Variants in KCNH1 observed in about 807,000 individuals in gnomAD.
KCNH1 encodes voltage-gated delayed rectifier potassium channel KCNH1.
Under a neutral mutation model 69.2 loss-of-function variants are expected in KCNH1, and 27 were observed. The ratio of observed to expected loss-of-function variants is 0.39; its 90% CI spans 0.29 to 0.54. The LOEUF is 0.54. Among genes scored for constraint, KCNH1 ranks in the 20% least tolerant of loss-of-function variants. The pLI is 0.68. For synonymous variants in KCNH1, 456 were observed against 487.7 expected (o/e 0.93, Z 0.86); for missense variants, 798 against 1,261.6 (o/e 0.63, Z 5.57).
chr1:210,896,767 G>C (rs1174651609), intron 7 of KCNH1, among the ~76,000 whole-genome samples: 1 of 152,170 alleles, frequency 6.6e-6, no homozygotes, highest in Non-Finnish European at 1.5e-5. Context: ...AAAGAAAAGA[G>C]AGGGAGGAGC....
At chr1:210,806,881 C>T (rs536129630) in intron 7 of KCNH1, among the ~76,000 whole-genome samples, 5 of 134,246 alleles carry the variant, frequency 3.7e-5, no homozygotes, top group East Asian at 2.4e-4. Flanking sequence ...GTGGTGCACA[C>T]GAGTAGTCCC....
intron 6 of KCNH1, among the ~76,000 whole-genome samples, chr1:211,015,227 G>A (rs1689471725): frequency 6.6e-6 from 1 of 152,160 alleles, no homozygotes; most frequent in Admixed American, 6.5e-5. Context: ...GCCAAGGAGT[G>A]AGCCACACAC....
At chr1:211,130,101 A>G (rs1227136019) in intron 1 of KCNH1, among the ~76,000 whole-genome samples, 1 of 152,254 alleles carries the variant, frequency 6.6e-6, no homozygotes, top group Non-Finnish European at 1.5e-5. Context: ...TTAAGCAACT[A>G]TCAAAAAATA....
intron 5 of KCNH1, among the ~76,000 whole-genome samples, chr1:211,032,247 C>T (rs1689799589): frequency 6.6e-6 from 1 of 152,080 alleles, no homozygotes; most frequent in Non-Finnish European, 1.5e-5. Context: ...AACCACTGCT[C>T]AGTGAAATAA....
At chr1:211,010,128 CAGGGACT>C (rs1241699917) in intron 6 of KCNH1, among the ~76,000 whole-genome samples, 2 of 152,134 alleles carry the variant, frequency 1.3e-5, no homozygotes, top group Non-Finnish European at 1.5e-5. Flanking sequence ...CAGTCACATT[CAGGGACT>C]AGGGCACAGC....
chr1:210,713,645 C>T (rs867689757), intron 10 of KCNH1, among the ~76,000 whole-genome samples: 1 of 152,094 alleles, frequency 6.6e-6, no homozygotes, highest in Non-Finnish European at 1.5e-5. Context: ...ACATCCCATC[C>T]GTCTGCGATT....
intron 2 of KCNH1, among the ~76,000 whole-genome samples, chr1:211,106,327 T>C (rs1691346078): frequency 6.6e-6 from 1 of 152,222 alleles, no homozygotes; most frequent in Non-Finnish European, 1.5e-5. Flanking sequence ...AAAAGAGCTT[T>C]TCTAACACCA....
At chr1:210,991,274 G>C (rs377755521) in intron 6 of KCNH1, among the ~76,000 whole-genome samples, 1 of 152,218 alleles carries the variant, frequency 6.6e-6, no homozygotes, top group Non-Finnish European at 1.5e-5. Context: ...ATTATACAGC[G>C]TTTTTTAAGA....
At chr1:210,912,284 T>C (rs891481385) in intron 7 of KCNH1, among the ~76,000 whole-genome samples, 5 of 152,156 alleles carry the variant, frequency 3.3e-5, no homozygotes, top group African/African-American at 1.2e-4. Flanking sequence ...TCCTGTCCCG[T>C]GAAGATCCTG....
chr1:210,948,145 G>A (rs1687994216), intron 6 of KCNH1, among the ~76,000 whole-genome samples: 1 of 151,310 alleles, frequency 6.6e-6, no homozygotes. Flanking sequence ...TGAAGCCCAG[G>A]AGTTCAAGGC....
intron 6 of KCNH1, among the ~76,000 whole-genome samples, chr1:211,007,377 C>T (rs933020136): frequency 2.0e-5 from 3 of 152,286 alleles, no homozygotes; most frequent in Non-Finnish European, 4.4e-5. Context: ...AAGAGCTTCA[C>T]GAACAACAAG....
intron 9 of KCNH1, among the ~76,000 whole-genome samples, chr1:210,792,280 C>T (rs1194260029): frequency 6.6e-6 from 1 of 152,184 alleles, no homozygotes; most frequent in African/African-American, 2.4e-5. Context: ...ATTTGTGGAA[C>T]CCAAATCTTC....
chr1:210,730,366 T>C (rs1283894926), intron 10 of KCNH1, among the ~76,000 whole-genome samples: 3 of 152,114 alleles, frequency 2.0e-5, no homozygotes, highest in African/African-American at 7.2e-5. Flanking sequence ...ACATGGCTTA[T>C]CTATGTCAGA....
At chr1:211,000,394 G>T (rs541009540) in intron 6 of KCNH1, among the ~76,000 whole-genome samples, 8 of 152,178 alleles carry the variant, frequency 5.3e-5, no homozygotes, top group African/African-American at 1.9e-4. Flanking sequence ...GCCGAATCAT[G>T]AGTGAAATCC....
intron 6 of KCNH1, among the ~76,000 whole-genome samples, chr1:210,953,426 T>G (rs924751039): frequency 1.3e-5 from 2 of 152,210 alleles, no homozygotes; most frequent in Admixed American, 1.3e-4. Flanking sequence ...CCTTGTGTAT[T>G]TGCTGACAAT....
At chr1:211,007,445 C>T (rs1319532102) in intron 6 of KCNH1, among the ~76,000 whole-genome samples, 1 of 152,160 alleles carries the variant, frequency 6.6e-6, no homozygotes, top group Non-Finnish European at 1.5e-5. Context: ...AAAGATTAAA[C>T]CAAAGAAAAT....
chr1:210,850,071 G>A (rs1308859462), intron 7 of KCNH1, among the ~76,000 whole-genome samples: 1 of 152,166 alleles, frequency 6.6e-6, no homozygotes, highest in Non-Finnish European at 1.5e-5. Context: ...AAACTAGATA[G>A]AATGTAACCA....
At chr1:210,699,258 C>T (rs1222670084) in intron 10 of KCNH1, among the ~76,000 whole-genome samples, 3 of 152,180 alleles carry the variant, frequency 2.0e-5, no homozygotes, top group African/African-American at 7.2e-5. Flanking sequence ...GAAGGTTTTG[C>T]CTTCCTTTTA....
At chr1:210,753,875 T>C (rs936277898) in intron 10 of KCNH1, among the ~76,000 whole-genome samples, 3 of 152,150 alleles carry the variant, frequency 2.0e-5, no homozygotes, top group East Asian at 3.9e-4. Context: ...ACATAACACT[T>C]TGTAGGGTTT....
Sources: gnomAD v4.1 joint callset for allele counts (sites outside exome capture counted in the v4.1 genomes callset) on GRCh38, gnomAD v4.1.1 for gene constraint, MANE v1.5 for transcripts, NCBI Gene and HGNC (gene_info 2026-07-23, HGNC 2026-07-21) for gene names.